PPP1R9A: variants seen among roughly 807,000 people sequenced by gnomAD.
PPP1R9A encodes neurabin-1.
Under a neutral mutation model 141.9 loss-of-function variants are expected in PPP1R9A, and 59 were observed. The observed-to-expected ratio is 0.42, with a 90% CI of 0.34 to 0.52. PPP1R9A has a LOEUF of 0.52. PPP1R9A is among the 20% of genes least tolerant of loss of function. The pLI, the probability that PPP1R9A is intolerant of heterozygous loss-of-function variation, is 0.10. For missense variants in PPP1R9A, 1,444 were observed against 1,611.9 expected (o/e 0.90, Z 1.78); for synonymous variants, 500 against 569.7 (o/e 0.88, Z 1.74).
At chr7:94,965,332 C>A (rs755941030) in intron 2 of PPP1R9A, among the ~76,000 whole-genome samples, 16 of 152,076 alleles carry the variant, frequency 1.1e-4, no homozygotes, top group Non-Finnish European at 2.4e-4. Flanking sequence ...AATTAGGTCT[C>A]ATTTATCAAT....
At chr7:95,260,445 A>G (rs1348516016) in intron 12 of PPP1R9A, among the ~76,000 whole-genome samples, 3 of 152,142 alleles carry the variant, frequency 2.0e-5, no homozygotes, top group Admixed American at 6.6e-5. Flanking sequence ...TTGGGAGGCC[A>G]AGGCGGGTGG....
At chr7:95,226,140 T>C in intron 8 of PPP1R9A, 24 bp downstream of exon 8, 1 of 1,599,266 alleles carries the variant, frequency 6.3e-7, no homozygotes, top group Non-Finnish European at 8.6e-7. Flanking sequence ...CTGCAAAATA[T>C]TTCTTTATGC....
chr7:95,107,972 T>A (rs1027232580), intron 2 of PPP1R9A, among the ~76,000 whole-genome samples: 5 of 152,144 alleles, frequency 3.3e-5, no homozygotes, highest in Non-Finnish European at 7.4e-5. Context: ...AGAAAAATGC[T>A]TGTACATTTA....
At chr7:95,121,934 T>C (rs1270538300) in intron 4 of PPP1R9A, among the ~76,000 whole-genome samples, 1 of 152,194 alleles carries the variant, frequency 6.6e-6, no homozygotes, top group East Asian at 1.9e-4. Context: ...TTTCAACATA[T>C]AACATTCAAA....
intron 2 of PPP1R9A, among the ~76,000 whole-genome samples, chr7:94,951,831 C>G (rs1346331514): frequency 3.3e-5 from 5 of 149,472 alleles, no homozygotes; most frequent in Non-Finnish European, 7.4e-5. Context: ...TCCTCTAAGA[C>G]CATTTAGGAC....
At chr7:95,279,053 T>A (rs746323984) in intron 16 of PPP1R9A, among the ~76,000 whole-genome samples, 16 of 152,220 alleles carry the variant, frequency 1.1e-4, no homozygotes, top group Non-Finnish European at 1.9e-4. Flanking sequence ...GCAGGTTTGA[T>A]GGGAAGGATA....
chr7:95,028,984 T>C (rs1807282547), intron 2 of PPP1R9A, among the ~76,000 whole-genome samples: 1 of 152,198 alleles, frequency 6.6e-6, no homozygotes, highest in South Asian at 2.1e-4. Context: ...AAGTGATTTT[T>C]TTTTAAAGCC....
rs547898467 is a variant in PPP1R9A at position 95,161,799 on chromosome 7, G to A, written c.1650-68G>A. On this transcript the variant is annotated intron_variant, in intron 4 of 19. Coordinates refer to ENST00000433360, the MANE Select transcript of PPP1R9A (RefSeq NM_001166160.2). ...CACATATTTTGTCAACTGATTTGTTGGAAATGATTATTACATAAATTAATT... is the reference window on the plus strand; with the variant it reads ...CACATATTTTGTCAACTGATTTGTTAGAAATGATTATTACATAAATTAATT... 3.0e-4 allele frequency: 306 copies of A among 1,018,340 alleles called. 1 individual carries two copies. In the Middle Eastern group the frequency reaches 4.1e-3, roughly 14 times the overall value. 63.1% of individuals were successfully genotyped at this position (1,018,340 alleles called of 1,614,324 possible).
At chr7:95,082,818 C>A (rs181657305) in intron 2 of PPP1R9A, among the ~76,000 whole-genome samples, 1 of 137,968 alleles carries the variant, frequency 7.2e-6, no homozygotes, top group Non-Finnish European at 1.5e-5. Context: ...GTTGCCCAGG[C>A]GAACTCGGCT....
intron 5 of PPP1R9A, among the ~76,000 whole-genome samples, chr7:95,192,866 A>T (rs1835706691): frequency 1.3e-5 from 2 of 152,182 alleles, no homozygotes; most frequent in South Asian, 4.1e-4. Flanking sequence ...TGCTAGTTGC[A>T]TATATAATCT....
rs1017076119 is a variant in PPP1R9A at position 94,911,712 on chromosome 7, T to C, written c.1395+204T>C. On this transcript the variant is annotated intron_variant, in intron 2 of 19. Coordinates refer to ENST00000433360, the MANE Select transcript of PPP1R9A (RefSeq NM_001166160.2). Reference sequence around the variant, plus strand: ...TACATTTCTTAAATGTGCTTTATAATGGCATACATCAATAGTGAGTAATAT... The same window carrying C: ...TACATTTCTTAAATGTGCTTTATAACGGCATACATCAATAGTGAGTAATAT... Among the ~76,000 whole-genome samples the C allele has an allele frequency of 7.2e-5, 11 of 152,158 alleles. 1 individual carries two copies. Among genetic ancestry groups the C allele is most frequent in the Admixed American group, 2.0e-4 (3 of 15,254 alleles).
intron 2 of PPP1R9A, among the ~76,000 whole-genome samples, chr7:95,002,010 G>T (rs1361289771): frequency 6.6e-6 from 1 of 152,162 alleles, no homozygotes; most frequent in Non-Finnish European, 1.5e-5. Flanking sequence ...CCAGAATTTT[G>T]TAATAAGTGC....
intron 2 of PPP1R9A, among the ~76,000 whole-genome samples, chr7:95,003,760 C>T (rs917643413): frequency 6.6e-6 from 1 of 152,128 alleles, no homozygotes; most frequent in Non-Finnish European, 1.5e-5. Flanking sequence ...GGGTTAGGGC[C>T]TAGGCATGGT....
At chr7:95,261,489 A>G (rs960483737) in intron 12 of PPP1R9A, among the ~76,000 whole-genome samples, 1 of 152,110 alleles carries the variant, frequency 6.6e-6, no homozygotes, top group Non-Finnish European at 1.5e-5. Context: ...ATACCAAAAA[A>G]CACTGTTGCT....
intron 4 of PPP1R9A, among the ~76,000 whole-genome samples, chr7:95,143,356 T>G (rs2152574315): frequency 6.6e-6 from 1 of 152,254 alleles, no homozygotes; most frequent in East Asian, 1.9e-4. Flanking sequence ...AGACAAATAT[T>G]ACAATTTTTT....
chr7:95,215,516 T>G (rs1169026236), intron 7 of PPP1R9A, among the ~76,000 whole-genome samples: 1 of 152,128 alleles, frequency 6.6e-6, no homozygotes, highest in Non-Finnish European at 1.5e-5. Flanking sequence ...CAAATGGTAT[T>G]TCTAGTTCTA....
At chr7:95,048,386 T>A (rs1810324879) in intron 2 of PPP1R9A, among the ~76,000 whole-genome samples, 1 of 152,196 alleles carries the variant, frequency 6.6e-6, no homozygotes, top group South Asian at 2.1e-4. Flanking sequence ...AAGGAAATAC[T>A]ATATGATGAG....
Position 95,153,141 on chromosome 7 carries a change from C to A in PPP1R9A, c.1650-8726C>A, listed in dbSNP as rs115926843. 8.6e-3 allele frequency among the ~76,000 whole-genome samples: 1,308 copies of A among 152,204 alleles called. 15 individuals carry two copies. The highest frequency in any genetic ancestry group is 0.03 in the African/African-American group (1,256 of 41,530). On this transcript the variant is annotated intron_variant, in intron 4 of 19. Coordinates refer to ENST00000433360, the MANE Select transcript of PPP1R9A (RefSeq NM_001166160.2). The stretch of plus-strand genomic sequence containing the variant: ...CTGGGATTACACGCATGAGCCACTG[C>A]GCGCCCAGCCTCACATACATTATAT...
chr7:95,006,193 CTTAT>C (rs71125097), intron 2 of PPP1R9A, among the ~76,000 whole-genome samples: 18,476 of 146,210 alleles, frequency 0.13, 1,307 homozygotes, highest in Admixed American at 0.17. Flanking sequence ...ATCTTAAGAA[CTTAT>C]TTATTTATTT....
Sources: gnomAD v4.1 joint callset for allele counts (sites outside exome capture counted in the v4.1 genomes callset) on GRCh38, gnomAD v4.1.1 for gene constraint, MANE v1.5 for transcripts, NCBI Gene and HGNC (gene_info 2026-07-23, HGNC 2026-07-21) for gene names.